Variants in EPHB6 observed in about 807,000 individuals in gnomAD.
The protein encoded by EPHB6 is EPH receptor B6.
A neutral mutation model predicts 107.0 loss-of-function variants in EPHB6; 51 were observed. The observed-to-expected ratio is 0.48, with a 90% CI of 0.38 to 0.60. The LOEUF is 0.60. Ranked by LOEUF, EPHB6 falls within the 20% of genes least tolerant of loss-of-function variation. The pLI is 0.00. For missense variants in EPHB6, 1,141 were observed against 1,355.5 expected, an observed-to-expected ratio of 0.84 and a Z score of 2.48; for synonymous variants, 553 against 549.0, an observed-to-expected ratio of 1.01 and a Z score of -0.10.
Position 142,867,399 on chromosome 7 carries a change from T to C in EPHB6, c.1751-209T>C, listed in dbSNP as rs1404226398. 1 of 598,944 alleles carries C rather than the reference T, an allele frequency of 1.7e-6. No individual in the cohort carries two copies. Among genetic ancestry groups the C allele is most frequent in the Non-Finnish European group, 3.1e-6 (1 of 326,136 alleles). The allele number at this position is 598,944 out of a possible 1,614,324, so 37.1% of individuals were successfully genotyped here. ...GTGTGGATGTGGAGGGCTGTGGGGATGTGTGTGTGTGTTGTGTGTCCCTGT... is the reference window on the plus strand; with the variant it reads ...GTGTGGATGTGGAGGGCTGTGGGGACGTGTGTGTGTGTTGTGTGTCCCTGT... On this transcript the variant is annotated intron_variant, in intron 11 of 19. Coordinates refer to ENST00000652003, the MANE Select transcript of EPHB6 (RefSeq NM_004445.6). This position sits in a 1 kb window ranked among gnomAD's most constrained non-coding sequence, Gnocchi z 5.3.
intron 1 of EPHB6, among the ~76,000 whole-genome samples, chr7:142,858,504 C>T (rs532112281): frequency 5.7e-5 from 7 of 123,154 alleles, no homozygotes; most frequent in African/African-American, 2.2e-4. Flanking sequence ...GGCACGATCT[C>T]GGCTCACTGC....
In EPHB6 at chr7:142,859,320, A is replaced by G. The variant is rs900174356; in HGVS notation, c.-431-1732A>G. Among the ~76,000 whole-genome samples, 3 of 152,300 alleles carry G rather than the reference A, an allele frequency of 2.0e-5. No homozygotes were observed. In the South Asian group the frequency reaches 6.2e-4, roughly 32 times the overall value. On this transcript the variant is annotated intron_variant, in intron 1 of 19. Coordinates refer to ENST00000652003, the MANE Select transcript of EPHB6 (RefSeq NM_004445.6). ...AGATGCTCCATGCCCACAACCATTGAAGACACCTTTGAAAAATCAAGTTCT... is the reference window on the plus strand; with the variant it reads ...AGATGCTCCATGCCCACAACCATTGGAGACACCTTTGAAAAATCAAGTTCT...
chr7:142,867,725 G>T lies in EPHB6; in HGVS notation c.1865+3G>T, dbSNP rs1794682084. 1.2e-6 allele frequency: 2 copies of T among 1,608,144 alleles called. No homozygotes were observed. Among genetic ancestry groups the T allele is most frequent in the South Asian group, 2.2e-5 (2 of 89,992 alleles). ...GTGCTGGCGGTCGTCTTCCAGCGGT[G>T]AGTCCCCACCCCTGCCCAACTCTGC... On this transcript the variant is annotated splice_donor_region_variant and intron_variant, in intron 12 of 19. Transcript: ENST00000652003. This position sits in a 1 kb window ranked among gnomAD's most constrained non-coding sequence, Gnocchi z 5.3.
rs995205740 is a variant in EPHB6, at chr7:142,867,895, C to A, written c.1866-102C>A. ...TGGGCAGGAGGGCCAGGCTGTCGTC[C>A]CCCCTCCACAGACCGACTAAAGAGC... On this transcript the variant is annotated intron_variant, in intron 12 of 19. Coordinates refer to ENST00000652003, the MANE Select transcript of EPHB6 (RefSeq NM_004445.6). This position sits in a 1 kb window ranked among gnomAD's most constrained non-coding sequence, Gnocchi z 5.3. The A allele has an allele frequency of 1.2e-4, 175 of 1,516,714 alleles. No homozygotes were observed. The highest frequency in any genetic ancestry group is 1.5e-4 in the Non-Finnish European group (173 of 1,117,906). 94.0% of individuals were successfully genotyped at this position (1,516,714 alleles called of 1,614,324 possible). A position where few individuals can be genotyped will look rare whatever the true frequency, so the allele number is the denominator to read the frequency against.
At chr7:142,863,844 A>G in intron 6 of EPHB6, 122 bp from the exon 7 acceptor site, 1 of 1,509,754 alleles carries the variant, frequency 6.6e-7, no homozygotes, top group Admixed American at 1.7e-5. Context: ...GGTATCCTCT[A>G]TCTGCTTTGC....
chr7:142,857,701 GCCATGC>G (rs1802668156), intron 1 of EPHB6, among the ~76,000 whole-genome samples: 1 of 152,186 alleles, frequency 6.6e-6, no homozygotes, highest in South Asian at 2.1e-4. Flanking sequence ...TCGGTTTGGG[GCCATGC>G]CCTTTACTAT....
chr7:142,864,892 A>G (rs372831230), intron 7 of EPHB6, 143 bp downstream of exon 7: 64 of 1,066,324 alleles, frequency 6.0e-5, no homozygotes, highest in African/African-American at 4.3e-4. Context: ...GATTTTCCCT[A>G]ATTTTATTTC....
At position 142,866,874 on chromosome 7, in the gene EPHB6, C is replaced by T. The variant is rs2116452994; in HGVS notation, c.1588-32C>T. ...GGGCAGAAGCAGGGGCAAGAGGGGG[C>T]CAGGCAGGGAGTGAGTGGCTGTTAC... On this transcript the variant is annotated intron_variant, in intron 10 of 19. Transcript: ENST00000652003. The surrounding 1 kb of genome is among the most constrained non-coding windows in gnomAD (Gnocchi z 5.2). The T allele has an allele frequency of 6.2e-7, 1 of 1,613,884 alleles. No individual in the cohort carries two copies. Among genetic ancestry groups the T allele is most frequent in the Non-Finnish European group, 8.5e-7 (1 of 1,179,916 alleles).
At position 142,870,620 on chromosome 7, in the gene EPHB6, C is replaced by G; in HGVS notation, c.2895C>G (p.Cys965Trp). The G allele has an allele frequency of 6.2e-7, 1 of 1,614,276 alleles. No individual in the cohort carries two copies. The highest frequency in any genetic ancestry group is 8.5e-7 in the Non-Finnish European group (1 of 1,180,050). Reference sequence around the variant, plus strand: ...GGCTTTCAGCCATTGGACTGGAGTGCTACCAGGACAACTTCTCCAAGTTTG... The same window carrying G: ...GGCTTTCAGCCATTGGACTGGAGTGGTACCAGGACAACTTCTCCAAGTTTG... ...QAWLSAIGLE[C>W]YQDNFSKFGL... The change falls in exon 19 of 20, where the codon TGC becomes TGG. Residue 965 changes from cysteine to tryptophan, a missense_variant. This residue lies in a region of EPHB6 where 616 missense variants were observed against 759.3 expected (regional missense o/e 0.81). Coordinates refer to ENST00000652003, the MANE Select transcript of EPHB6 (RefSeq NM_004445.6).
chr7:142,860,258 G>A (rs1232819911), intron 1 of EPHB6, among the ~76,000 whole-genome samples: 1 of 152,198 alleles, frequency 6.6e-6, no homozygotes, highest in Admixed American at 6.5e-5. Context: ...CTGAGTGAAA[G>A]AAAGAGACTA....
rs1460617687 is a variant in EPHB6 at position 142,870,971 on chromosome 7, G to A, written c.*67G>A. 2.0e-6 allele frequency: 3 copies of A among 1,465,316 alleles called. No individual in the cohort carries two copies. The highest frequency in any genetic ancestry group is 4.8e-5 in the East Asian group (2 of 41,514). The allele number at this position is 1,465,316 out of a possible 1,614,324, so 90.8% of individuals were successfully genotyped here. ...GAAGGGACATGTGGGACGTGAGCCG[G>A]GCTCCAACAGCCTCTGTGAGAGATG... On this transcript the variant is annotated 3_prime_UTR_variant, in exon 20 of 20. Coordinates refer to ENST00000652003, the MANE Select transcript of EPHB6 (RefSeq NM_004445.6).
intron 7 of EPHB6, 131 bp from the exon 8 acceptor site, chr7:142,865,344 A>T: frequency 3.4e-6 from 4 of 1,170,300 alleles, no homozygotes; most frequent in Non-Finnish European, 4.9e-6. Flanking sequence ...GGTGGGGTTC[A>T]GTCTTGGAAG....
chr7:142,870,821 C>A lies in EPHB6; in HGVS notation c.2986C>A (p.Leu996Met). ...AGACCTGCCTGCCCTGGGCATCACC[C>A]TGGCTGGCCACCAGAAGAAGCTGCT... ...LEDLPALGIT[L>M]AGHQKKLLHH... The change falls in exon 20 of 20, where the codon CTG becomes ATG. Residue 996 changes from leucine to methionine, a missense_variant. Around this residue, in one of 3 missense-constraint regions of EPHB6, gnomAD observed 616 missense variants for 759.3 expected, o/e 0.81. Coordinates refer to ENST00000652003, the MANE Select transcript of EPHB6 (RefSeq NM_004445.6). 6.2e-7 allele frequency: 1 copy of A among 1,614,190 alleles called. No individual in the cohort carries two copies. The highest frequency in any genetic ancestry group is 1.6e-4 in the Middle Eastern group (1 of 6,062).
intron 1 of EPHB6, among the ~76,000 whole-genome samples, chr7:142,858,423 C>CTTTTTTTTTTTTTTTTTTTTTTTTTTTT (rs958011230): frequency 1.7e-5 from 1 of 57,580 alleles, no homozygotes. Flanking sequence ...TTAAGTCATT[C>CTTTTTTTTTTTTTTTTTTTTTTTTTTTT]TTTTTTTTTT....
At chr7:142,856,813 G>A (rs1320282623) in intron 1 of EPHB6, among the ~76,000 whole-genome samples, 1 of 152,146 alleles carries the variant, frequency 6.6e-6, no homozygotes, top group African/African-American at 2.4e-5. Flanking sequence ...AACCACTCCG[G>A]AACCAGCACT....
chr7:142,863,193 G>A lies in EPHB6; in HGVS notation c.-35G>A. The A allele has an allele frequency of 6.3e-7, 1 of 1,595,938 alleles. No individual in the cohort carries two copies. The highest frequency in any genetic ancestry group is 8.6e-7 in the Non-Finnish European group (1 of 1,164,156). ...CAGCCCCACCCAGGAGCAGGGTGGT[G>A]GCTGGGGCGATGGTGGACGCCCTGA... On this transcript the variant is annotated 5_prime_UTR_variant, in exon 5 of 20. Transcript: ENST00000652003.
At position 142,864,496 on chromosome 7, in the gene EPHB6, C is replaced by T. The variant is rs1803036842; in HGVS notation, c.696C>T (p.Thr232=). Reference sequence around the variant, plus strand: ...TCGCTGTCAGGCTCTTCTCCTACACCTGCCCTGCCGTGCTCCGATCCTTTG... The same window carrying T: ...TCGCTGTCAGGCTCTTCTCCTACACTTGCCCTGCCGTGCTCCGATCCTTTG... The part of the protein sequence containing the change: ...ALVAVRLFSY[T]CPAVLRSFAS... Residue 232 remains threonine, a synonymous_variant, in exon 7 of 20, where the codon ACC becomes ACT. Coordinates refer to ENST00000652003, the MANE Select transcript of EPHB6 (RefSeq NM_004445.6). The T allele has an allele frequency of 1.2e-6, 2 of 1,613,384 alleles. No individual in the cohort carries two copies. The highest frequency in any genetic ancestry group is 1.7e-6 in the Non-Finnish European group (2 of 1,180,024).
Position 142,869,637 on chromosome 7 carries a change from G to C in EPHB6, c.2461-180G>C. The C allele has an allele frequency of 1.4e-6, 1 of 732,424 alleles. No individual in the cohort carries two copies. Among genetic ancestry groups the C allele is most frequent in the Non-Finnish European group, 2.3e-6 (1 of 429,468 alleles). The allele number at this position is 732,424 out of a possible 1,614,324, so 45.4% of individuals were successfully genotyped here. A position where few individuals can be genotyped will look rare whatever the true frequency, so the allele number is the denominator to read the frequency against. ...AGCACATAGTAGTTGCTCCATAAAC[G>C]TGACTATTGCTTCTGCTTCTGTGAA... On this transcript the variant is annotated intron_variant, in intron 16 of 19. Transcript: ENST00000652003. The surrounding 1 kb of genome is among the most constrained non-coding windows in gnomAD (Gnocchi z 4.5).
chr7:142,868,115 GCTGGATCCCC>G lies in EPHB6; in HGVS notation c.1918+68_1918+77del. The G allele has an allele frequency of 6.2e-7, 1 of 1,613,778 alleles. No homozygotes were observed. The highest frequency in any genetic ancestry group is 8.5e-7 in the Non-Finnish European group (1 of 1,179,772). On this transcript the variant is annotated intron_variant, in intron 13 of 19. Coordinates refer to ENST00000652003, the MANE Select transcript of EPHB6 (RefSeq NM_004445.6). This position sits in a 1 kb window ranked among gnomAD's most constrained non-coding sequence, Gnocchi z 4.2. ...ATGGGTGGGGCACATGGCAGGCAAGGCTGGATCCCCCCAAGATTGGGGGAGCTCCTTGGCA... is the reference window on the plus strand; with the variant it reads ...ATGGGTGGGGCACATGGCAGGCAAGGCCAAGATTGGGGGAGCTCCTTGGCA...
Sources: gnomAD v4.1 joint callset for allele counts (sites outside exome capture counted in the v4.1 genomes callset) on GRCh38, gnomAD v4.1.1 for gene constraint, gnomAD v4.1.1 regional missense constraint, Gnocchi (gnomAD v3.1) non-coding constraint, MANE v1.5 for transcripts, NCBI Gene and HGNC (gene_info 2026-07-23, HGNC 2026-07-21) for gene names.